Variants in CSMD1 observed in about 807,000 individuals in gnomAD.
CSMD1 encodes CUB and Sushi multiple domains 1.
Under a neutral mutation model 417.5 loss-of-function variants are expected in CSMD1, and 213 were observed. The ratio of observed to expected loss-of-function variants is 0.51; its 90% confidence interval spans 0.46 to 0.57. The LOEUF (loss-of-function observed/expected upper bound fraction) is 0.57. Among genes scored for constraint, CSMD1 ranks in the 20% least tolerant of loss-of-function variants. CSMD1 has a pLI of 0.00. For synonymous variants in CSMD1, 2,862 were observed against 1,736.8 expected (o/e 1.65, Z -16.11); for missense variants, 6,923 against 4,529.7 (o/e 1.53, Z -15.17).
intron 1 of CSMD1, among the ~76,000 whole-genome samples, chr8:4,880,853 T>A (rs536251334): frequency 6.6e-6 from 1 of 152,146 alleles, no homozygotes; most frequent in African/African-American, 2.4e-5. Flanking sequence ...GTCCCTGATC[T>A]AAGCTATTTA....
In CSMD1 at chr8:3,345,270, G is replaced by A. The variant is rs144273179; in HGVS notation, c.3475-1820C>T. ...CCTGAGAGATTGCACCTTGCTCCCA[G>A]TGGCTTCATGGTTACAACCACTAAA... On this transcript the variant is annotated intron_variant, in intron 22 of 69. Coordinates refer to ENST00000635120, the MANE Select transcript of CSMD1 (RefSeq NM_033225.6). Among the ~76,000 whole-genome samples the A allele has an allele frequency of 1.4e-4, 21 of 152,272 alleles. No individual in the cohort carries two copies. The East Asian group carries it at 3.9e-3, about 28-fold the overall frequency.
intron 3 of CSMD1, among the ~76,000 whole-genome samples, chr8:4,062,564 A>G (rs755042302): frequency 6.6e-5 from 10 of 152,136 alleles, no homozygotes; most frequent in Non-Finnish European, 1.2e-4. Flanking sequence ...TTCGTGAAAC[A>G]TATCCTATAA....
intron 3 of CSMD1, among the ~76,000 whole-genome samples, chr8:4,138,044 ATTTTTTTTTTTTTTTTTTTTTTTTTTTTT>A (rs55993904): frequency 1.6e-5 from 1 of 62,696 alleles, no homozygotes; most frequent in African/African-American, 6.3e-5. Flanking sequence ...TGCCCGGCTA[ATTTTTTTTTTTTTTTTTTTTTTTTTTTTT>A]TTTTTTTTTT....
rs775362118 is a variant in CSMD1 at position 3,091,558 on chromosome 8, C to T, written c.7243G>A (p.Asp2415Asn). Residue 2415 changes from aspartate (D) to asparagine (N), a missense_variant, in exon 48 of 70, where the codon GAC (aspartate) becomes AAC (asparagine). Coordinates refer to ENST00000635120, the MANE Select transcript of CSMD1 (RefSeq NM_033225.6). ...AATCCTTTCTTACTGGTGGCATGGT[C>T]AGTGGACCAGCGGAGATATAACTGA... ...SNQLYLRWST[D>N]HATSKKGFKI... 2 of 1,610,110 alleles carry T rather than the reference C, an allele frequency of 1.2e-6. No homozygotes were observed. Among genetic ancestry groups the T allele is most frequent in the Non-Finnish European group, 1.7e-6 (2 of 1,179,152 alleles).
intron 7 of CSMD1, among the ~76,000 whole-genome samples, chr8:3,658,545 G>T (rs1222358871): frequency 6.6e-6 from 1 of 151,114 alleles, no homozygotes; most frequent in Admixed American, 6.6e-5. Flanking sequence ...CACTTTGGGA[G>T]GCCAAGGCAG....
chr8:4,566,652 C>G (rs76313028), intron 2 of CSMD1, among the ~76,000 whole-genome samples: 1 of 62,824 alleles, frequency 1.6e-5, no homozygotes, highest in Non-Finnish European at 2.6e-5. Flanking sequence ...GACTCTGACT[C>G]AAAAAAAAAA....
chr8:3,769,652 T>TTA (rs1798467102), intron 5 of CSMD1, among the ~76,000 whole-genome samples: 1 of 152,172 alleles, frequency 6.6e-6, no homozygotes, highest in Non-Finnish European at 1.5e-5. Context: ...TAAGAGAATG[T>TTA]TATAGCTCTT....
chr8:3,523,992 GAGAC>G (rs1797637153), intron 10 of CSMD1, among the ~76,000 whole-genome samples: 2 of 129,324 alleles, frequency 1.5e-5, no homozygotes, highest in African/African-American at 3.1e-5. Context: ...TGCACACCCA[GAGAC>G]ACATATGCAC....
chr8:3,159,649 T>G (rs1359588874), intron 38 of CSMD1, among the ~76,000 whole-genome samples: 1 of 152,216 alleles, frequency 6.6e-6, no homozygotes, highest in Non-Finnish European at 1.5e-5. Context: ...TTTGCTCATG[T>G]GAATGACAAA....
At chr8:3,972,541 G>A (rs538431737) in intron 5 of CSMD1, among the ~76,000 whole-genome samples, 6 of 152,254 alleles carry the variant, frequency 3.9e-5, no homozygotes, top group East Asian at 1.9e-4. Context: ...ATAAGCACGT[G>A]TGACCACATA....
intron 8 of CSMD1, among the ~76,000 whole-genome samples, chr8:3,612,008 A>G (rs1040113837): frequency 7.2e-5 from 11 of 152,178 alleles, no homozygotes; most frequent in African/African-American, 2.7e-4. Flanking sequence ...GATTTTTAAA[A>G]TACTAATTTC....
At chr8:3,070,068 G>A (rs1004677160) in intron 49 of CSMD1, among the ~76,000 whole-genome samples, 7 of 152,320 alleles carry the variant, frequency 4.6e-5, no homozygotes, top group South Asian at 4.1e-4. Context: ...GCCAGTATGC[G>A]GAAAGCAGCA....
chr8:4,078,986 T>G (rs1464797925), intron 3 of CSMD1, among the ~76,000 whole-genome samples: 1 of 147,996 alleles, frequency 6.8e-6, no homozygotes, highest in Non-Finnish European at 1.5e-5. Flanking sequence ...CCCACAATGT[T>G]GCATTAACAG....
chr8:4,816,121 T>A (rs939911255), intron 1 of CSMD1, among the ~76,000 whole-genome samples: 1 of 152,086 alleles, frequency 6.6e-6, no homozygotes, highest in Non-Finnish European at 1.5e-5. Context: ...TCACAGAGCA[T>A]CAGACTTCAA....
chr8:3,442,672 A>T (rs557860035), intron 12 of CSMD1, among the ~76,000 whole-genome samples: 1 of 152,204 alleles, frequency 6.6e-6, no homozygotes, highest in Non-Finnish European at 1.5e-5. Context: ...ATCATCTAAC[A>T]ACACATCTCA....
chr8:4,769,160 T>G (rs78558967), intron 1 of CSMD1, among the ~76,000 whole-genome samples: 1,944 of 152,294 alleles, frequency 0.013, 45 homozygotes, highest in African/African-American at 0.045. Context: ...CTTTCTTGAT[T>G]TTAGCTTTGT....
In CSMD1 at chr8:4,905,238, C is replaced by G. The variant is rs371587442; in HGVS notation, c.85+89094G>C. 5.9e-5 allele frequency among the ~76,000 whole-genome samples: 9 copies of G among 152,188 alleles called. No homozygotes were observed. In the East Asian group the frequency reaches 1.7e-3, roughly 29 times the overall value. On this transcript the variant is annotated intron_variant, in intron 1 of 69. Transcript: ENST00000635120. Reference sequence around the variant, plus strand: ...TTTCATACAGGCATTATCTCTCCTCCAAGTAACACATTAACCAGCTATTTT... The same window carrying G: ...TTTCATACAGGCATTATCTCTCCTCGAAGTAACACATTAACCAGCTATTTT...
At chr8:4,620,919 G>T (rs948592052) in intron 2 of CSMD1, among the ~76,000 whole-genome samples, 1 of 151,736 alleles carries the variant, frequency 6.6e-6, no homozygotes, top group East Asian at 1.9e-4. Context: ...ATAGGCAACT[G>T]GCAAATAATA....
At chr8:4,732,399 G>T (rs143696711) in intron 1 of CSMD1, among the ~76,000 whole-genome samples, 3,777 of 145,940 alleles carry the variant, frequency 0.026, 72 homozygotes, top group Middle Eastern at 0.037. Flanking sequence ...TTTCCCCTGA[G>T]ATTCTCACTC....
Sources: allele counts gnomAD v4.1 joint callset (sites outside exome capture counted in the v4.1 genomes callset), GRCh38; gene constraint gnomAD v4.1.1; transcripts MANE v1.5; gene names NCBI Gene and HGNC (gene_info 2026-07-23, HGNC 2026-07-21).